ADGRB1: variants seen among roughly 807,000 people sequenced by gnomAD.
The protein encoded by ADGRB1 is adhesion G protein-coupled receptor B1.
Under a neutral mutation model 175.7 loss-of-function variants are expected in ADGRB1, and 36 were observed. The observed-to-expected ratio is 0.20, with a 90% CI of 0.16 to 0.27. ADGRB1 has a LOEUF of 0.27. Ranked by LOEUF, ADGRB1 falls within the 10% of genes least tolerant of loss-of-function variation. The probability of loss-of-function intolerance (pLI) is 1.00; values close to 1 mark genes in which losing one functional copy is unlikely to be tolerated. For missense variants in ADGRB1, 1,731 were observed against 2,255.3 expected (o/e 0.77, Z 4.71); for synonymous variants, 1,054 against 979.4 (o/e 1.08, Z -1.42).
At position 142,464,166 on chromosome 8, in the gene ADGRB1, G is replaced by T; in HGVS notation, c.-33G>T. ...GACCTGGTCCGCGCCTGCCTGCCCA[G>T]CCCGCGGAACCCCGGCGGCCCCGCG... On this transcript the variant is annotated 5_prime_UTR_variant, in exon 2 of 31. Coordinates refer to ENST00000517894, the MANE Select transcript of ADGRB1 (RefSeq NM_001702.3). 1 of 1,157,860 alleles carries T rather than the reference G, an allele frequency of 8.6e-7. No individual in the cohort carries two copies. The highest frequency in any genetic ancestry group is 1.1e-6 in the Non-Finnish European group (1 of 944,518). 71.7% of individuals were successfully genotyped at this position (1,157,860 alleles called of 1,614,324 possible).
chr8:142,527,286 C>T (rs1031488044), intron 24 of ADGRB1, among the ~76,000 whole-genome samples: 8 of 152,274 alleles, frequency 5.3e-5, no homozygotes, highest in South Asian at 4.1e-4. Context: ...TTGGTCCTCC[C>T]GCCCCTCACC....
chr8:142,453,616 C>T (rs1839490267), intron 1 of ADGRB1, among the ~76,000 whole-genome samples: 1 of 152,172 alleles, frequency 6.6e-6, no homozygotes. Flanking sequence ...GAGGAAGTGG[C>T]ACTCACTAGA....
At position 142,489,401 on chromosome 8, in the gene ADGRB1, G is replaced by C; in HGVS notation, c.2594G>C (p.Arg865Pro). Residue 865 changes from arginine to proline, a missense_variant, in exon 16 of 31, where the codon CGC becomes CCC. Arg to Pro is a moderately radical substitution (Grantham distance 103). Coordinates refer to ENST00000517894, the MANE Select transcript of ADGRB1 (RefSeq NM_001702.3). ...GTGAAACCCCCGCCTCGCTCCCTGC[G>C]CACACCCTTGGAGATCGAGTTTGCC... ...VTVKPPPRSL[R>P]TPLEIEFAHM... 11 of 1,612,936 alleles carry C rather than the reference G, an allele frequency of 6.8e-6. No homozygotes were observed. Among genetic ancestry groups the C allele is most frequent in the Non-Finnish European group, 9.3e-6 (11 of 1,179,840 alleles).
At chr8:142,469,496 C>A (rs554105373) in intron 2 of ADGRB1, among the ~76,000 whole-genome samples, 2 of 131,820 alleles carry the variant, frequency 1.5e-5, no homozygotes, top group South Asian at 5.0e-4. Context: ...TATGCACGTG[C>A]ATGTGTGAAT....
At chr8:142,463,814 C>T (rs1481779512) in intron 1 of ADGRB1, among the ~76,000 whole-genome samples, 166 bp from the exon 2 acceptor site, 1 of 152,232 alleles carries the variant, frequency 6.6e-6, no homozygotes, top group Non-Finnish European at 1.5e-5. Context: ...GACAGGTGGA[C>T]GGAGCAGGTG....
intron 20 of ADGRB1, among the ~76,000 whole-genome samples, chr8:142,521,509 G>A (rs563752191): frequency 6.6e-6 from 1 of 152,356 alleles, no homozygotes; most frequent in South Asian, 2.1e-4. Context: ...AAGCAAGAGG[G>A]CCCGCAGTGA....
rs1440030029 is a variant in ADGRB1, at chr8:142,543,657, G to A, written c.4506G>A (p.Lys1502=). ...ACATGTTCCAGGACCTGAACCGGAA[G>A]CTGCAGCACGCAGCGGAGAAGGACA... ...HQDMFQDLNR[K]LQHAAEKDKE... The change falls in exon 30 of 31, where the codon AAG becomes AAA. Residue 1502 remains lysine, a synonymous_variant. Coordinates refer to ENST00000517894, the MANE Select transcript of ADGRB1 (RefSeq NM_001702.3). The surrounding 1 kb of genome is among the most constrained non-coding windows in gnomAD (Gnocchi z 4.4). 1 of 1,568,878 alleles carries A rather than the reference G, an allele frequency of 6.4e-7. No homozygotes were observed. The highest frequency in any genetic ancestry group is 8.6e-7 in the Non-Finnish European group (1 of 1,157,160).
At chr8:142,487,914 G>C (rs909826455) in intron 13 of ADGRB1, among the ~76,000 whole-genome samples, 4 of 152,224 alleles carry the variant, frequency 2.6e-5, no homozygotes, top group African/African-American at 9.6e-5. Flanking sequence ...TCTACAGAGG[G>C]AGGGGAGGCG....
chr8:142,467,020 A>G (rs1399217435), intron 2 of ADGRB1, among the ~76,000 whole-genome samples: 2 of 152,228 alleles, frequency 1.3e-5, no homozygotes, highest in East Asian at 3.9e-4. Context: ...CATTCCTAAT[A>G]GTGCTCGGAA....
chr8:142,510,952 C>A lies in ADGRB1; in HGVS notation c.2696C>A (p.Pro899Gln). 1 of 1,294,488 alleles carries A rather than the reference C, an allele frequency of 7.7e-7. No homozygotes were observed. The highest frequency in any genetic ancestry group is 1.0e-6 in the Non-Finnish European group (1 of 1,003,848). 80.2% of individuals were successfully genotyped at this position (1,294,488 alleles called of 1,614,324 possible). ...ETDVPSSSAP[P>Q]QLGPWSWRGC... ...CCCAGACCCTCCTCCTCCGCCCCCC[C>A]GCAGCTCGGGCCCTGGTCGTGGCGC... Residue 899 changes from proline to glutamine, a missense_variant, in exon 18 of 31, where the codon CCG becomes CAG. Physicochemically the swap from Pro to Gln is moderately conservative, Grantham distance 76. Transcript: ENST00000517894. This position sits in a 1 kb window ranked among gnomAD's most constrained non-coding sequence, Gnocchi z 6.3.
rs556605901 is a variant in ADGRB1 at position 142,499,730 on chromosome 8, G to T, written c.2675+8915G>T. 1.5e-3 allele frequency among the ~76,000 whole-genome samples: 227 copies of T among 152,334 alleles called. 1 individual carries two copies. Among genetic ancestry groups the T allele is most frequent in the South Asian group, 0.013 (63 of 4,832 alleles). On this transcript the variant is annotated intron_variant, in intron 17 of 30. Transcript: ENST00000517894. ...ATGCCGCCTTTTAGAAGCAGACAGG[G>T]TGAGCTCTCTGGCCCTGAAGGTGAG... is the stretch of plus-strand genomic sequence containing the variant.
At chr8:142,503,388 G>T (rs1842715137) in intron 17 of ADGRB1, among the ~76,000 whole-genome samples, 1 of 152,104 alleles carries the variant, frequency 6.6e-6, no homozygotes, top group Admixed American at 6.5e-5. Context: ...CCTGGCACAG[G>T]CCAGGCCAGG....
chr8:142,528,718 T>C (rs1844396151), intron 24 of ADGRB1, among the ~76,000 whole-genome samples: 1 of 151,988 alleles, frequency 6.6e-6, no homozygotes, highest in South Asian at 2.1e-4. Flanking sequence ...TTCTGTTTGT[T>C]TTATGTTTAT....
chr8:142,543,684 G>A lies in ADGRB1; in HGVS notation c.4533G>A (p.Lys1511=). 1 of 1,560,172 alleles carries A rather than the reference G, an allele frequency of 6.4e-7. No individual in the cohort carries two copies. Among genetic ancestry groups the A allele is most frequent in the Middle Eastern group, 1.7e-4 (1 of 6,002 alleles). The change falls in exon 30 of 31, where the codon AAG becomes AAA. Residue 1511 remains lysine (K), a synonymous_variant. Coordinates refer to ENST00000517894, the MANE Select transcript of ADGRB1 (RefSeq NM_001702.3). This position sits in a 1 kb window ranked among gnomAD's most constrained non-coding sequence, Gnocchi z 4.4. ...TGCAGCACGCAGCGGAGAAGGACAA[G>A]GAGGTGCTGGGGCCGGACAGCAAGG... ...RKLQHAAEKD[K]EVLGPDSKPE... is the part of the protein sequence containing the mutation.
In ADGRB1 at chr8:142,535,786, G is replaced by A. The variant is rs193209363; in HGVS notation, c.3571-1201G>A. ...CACTTCCCTACCTGCCTGTGGGACC[G>A]GGCACACGGTAGGTGCCCAGTAGGC... On this transcript the variant is annotated intron_variant, in intron 25 of 30. Coordinates refer to ENST00000517894, the MANE Select transcript of ADGRB1 (RefSeq NM_001702.3). Among the ~76,000 whole-genome samples the A allele has an allele frequency of 1.2e-4, 18 of 152,190 alleles. No homozygotes were observed. The East Asian group carries it at 2.5e-3, about 21-fold the overall frequency.
chr8:142,464,610 G>A lies in ADGRB1; in HGVS notation c.412G>A (p.Ala138Thr), dbSNP rs1275442955. 6.6e-7 allele frequency: 1 copy of A among 1,523,774 alleles called. No individual in the cohort carries two copies. Among genetic ancestry groups the A allele is most frequent in the East Asian group, 2.5e-5 (1 of 39,398 alleles). The allele number at this position is 1,523,774 out of a possible 1,614,324, so 94.4% of individuals were successfully genotyped here. A position where few individuals can be genotyped will look rare whatever the true frequency, so the allele number is the denominator to read the frequency against. The change falls in exon 2 of 31, where the codon GCC becomes ACC. Residue 138 changes from alanine (A) to threonine (T), a missense_variant. Around this residue, in one of 8 missense-constraint regions of ADGRB1, gnomAD observed 383 missense variants for 383.1 expected, o/e 1.00. Transcript: ENST00000517894. ...CTCCGCACCCCTGGCCTTCCTGCAG[G>A]CCAGCAAGCAGTTCCTGCAGATGCG... ...DPSAPLAFLQ[A>T]SKQFLQMRRQ...
At chr8:142,529,855 T>C (rs1192319598) in intron 24 of ADGRB1, among the ~76,000 whole-genome samples, 1 of 151,564 alleles carries the variant, frequency 6.6e-6, no homozygotes, top group African/African-American at 2.4e-5. Context: ...TGTGCATCTG[T>C]GTGGGTGCAA....
At chr8:142,501,565 A>G (rs1166754877) in intron 17 of ADGRB1, among the ~76,000 whole-genome samples, 58 of 99,500 alleles carry the variant, frequency 5.8e-4, no homozygotes, top group African/African-American at 1.0e-3. Context: ...GGTGGTGGTG[A>G]TGGTGGTGGC....
intron 1 of ADGRB1, among the ~76,000 whole-genome samples, chr8:142,454,068 G>A (rs1013680016): frequency 6.6e-6 from 1 of 152,202 alleles, no homozygotes; most frequent in Non-Finnish European, 1.5e-5. Context: ...GGAGCCATAG[G>A]AGGGTCTCGA....
Sources: allele counts gnomAD v4.1 joint callset (sites outside exome capture counted in the v4.1 genomes callset), GRCh38; gene constraint gnomAD v4.1.1; regional missense constraint gnomAD v4.1.1; non-coding constraint Gnocchi (gnomAD v3.1); transcripts MANE v1.5; gene names NCBI Gene and HGNC (gene_info 2026-07-23, HGNC 2026-07-21).